Variants in DRD3 observed in about 807,000 individuals in gnomAD.
The protein encoded by DRD3 is D(3) dopamine receptor.
A neutral mutation model predicts 36.3 loss-of-function variants in DRD3; 19 were observed. The ratio of observed to expected loss-of-function variants is 0.52; its 90% CI spans 0.36 to 0.77. The LOEUF (loss-of-function observed/expected upper bound fraction) is 0.77, where lower values mean the gene tolerates loss of function less well. Ranked by LOEUF, DRD3 falls within the 30% of genes least tolerant of loss-of-function variation. The pLI is 0.00. For synonymous variants in DRD3, 195 were observed against 203.7 expected (o/e 0.96, Z 0.36); for missense variants, 465 against 505.3 (o/e 0.92, Z 0.77).
Position 114,139,539 on chromosome 3 carries a change from G to C in DRD3, c.684C>G (p.Asn228Lys). The change falls in exon 5 of 7, where the codon AAC becomes AAG. Residue 228 changes from asparagine (N) to lysine (K), a missense_variant. Physicochemically the swap from Asn to Lys is moderately conservative, Grantham distance 94. Transcript: ENST00000383673. ...CAGGCCTGACACTGTTGCACTGACTGTTCTGTCGAGTGAGGATCCTTTTCC... is the reference window on the plus strand; with the variant it reads ...CAGGCCTGACACTGTTGCACTGACTCTTCTGTCGAGTGAGGATCCTTTTCC... ...RRRKRILTRQ[N>K]SQCNSVRPGF... is the part of the protein sequence containing the mutation. The C allele has an allele frequency of 6.2e-7, 1 of 1,614,052 alleles. No individual in the cohort carries two copies. Among genetic ancestry groups the C allele is most frequent in the South Asian group, 1.1e-5 (1 of 91,060 alleles).
In DRD3 at chr3:114,159,818, AC is replaced by A; in HGVS notation, c.319del (p.Val107SerfsTer6). 1 of 1,614,158 alleles carries A rather than the reference AC, an allele frequency of 6.2e-7. No individual in the cohort carries two copies. ...NFSRICCDVF[V>X]TLDVMMCTAS... ...TGTACACATCATGACATCCAGGGTGACAAAAACATCACAGCAAATGCGGCTG... is the reference window on the plus strand; with the variant it reads ...TGTACACATCATGACATCCAGGGTGAAAAAACATCACAGCAAATGCGGCTG... On this transcript the variant is annotated frameshift_variant, in exon 3 of 7. Transcript: ENST00000383673. LOFTEE classifies it high-confidence loss of function.
At chr3:114,151,794 C>T (rs945503698) in intron 3 of DRD3, among the ~76,000 whole-genome samples, 1 of 152,228 alleles carries the variant, frequency 6.6e-6, no homozygotes, top group African/African-American at 2.4e-5. Context: ...AGGTGTGTTT[C>T]TCCTGAGTGC....
At chr3:114,183,466 T>G (rs2077958885), upstream of DRD3, among the ~76,000 whole-genome samples, 1 of 152,134 alleles carries the variant, frequency 6.6e-6, no homozygotes, top group Admixed American at 6.6e-5. Context: ...GTTTATATCC[T>G]CTATTTTCTT....
At chr3:114,172,106 T>C (rs529967477) in intron 1 of DRD3, 79 bp from the exon 2 acceptor site, 22 of 1,129,478 alleles carry the variant, frequency 1.9e-5, no homozygotes, top group Non-Finnish European at 2.5e-5. Context: ...TTTTATTTAT[T>C]GCATCAGCAA....
At chr3:114,185,039 T>G (rs1234232746) in intron 1 of DRD3, among the ~76,000 whole-genome samples, 1 of 147,858 alleles carries the variant, frequency 6.8e-6, no homozygotes, top group East Asian at 2.1e-4. Context: ...GTTCTTTTTT[T>G]GCGCTTTCAT....
At chr3:114,132,792 T>TAAC (rs1253074106) in intron 5 of DRD3, among the ~76,000 whole-genome samples, 2 of 152,152 alleles carry the variant, frequency 1.3e-5, no homozygotes, top group Non-Finnish European at 2.9e-5. Context: ...AAATAAATTT[T>TAAC]AACAACAACA....
At chr3:114,166,549 G>A (rs1009342270) in intron 2 of DRD3, among the ~76,000 whole-genome samples, 1 of 152,162 alleles carries the variant, frequency 6.6e-6, no homozygotes, top group Non-Finnish European at 1.5e-5. Context: ...ATGACAGCAT[G>A]AAGGCCCTTC....
At chr3:114,183,493 G>T (rs373597451), upstream of DRD3, among the ~76,000 whole-genome samples, 25 of 152,106 alleles carry the variant, frequency 1.6e-4, 1 homozygote, top group East Asian at 4.6e-3. Flanking sequence ...TTTCTGTCTG[G>T]TGGTTCTATC....
rs756050429 is a variant in DRD3, at chr3:114,191,251, T to C, written c.-156+8022A>G. ...GTGAACATTATGCAGAGAGGTAGAA[T>C]TGGGTGACAGTGAATGGCTGACTAT... On this transcript the variant is annotated intron_variant, in intron 1 of 7. Transcript: ENST00000460779. Among the ~76,000 whole-genome samples, 111 of 152,110 alleles carry C rather than the reference T, an allele frequency of 7.3e-4. 4 individuals are homozygous for C. The highest frequency in any genetic ancestry group is 1.9e-4 in the Non-Finnish European group (13 of 68,028).
At chr3:114,172,315 G>T (rs2077854146) in intron 1 of DRD3, among the ~76,000 whole-genome samples, 1 of 152,194 alleles carries the variant, frequency 6.6e-6, no homozygotes, top group African/African-American at 2.4e-5. Flanking sequence ...AGAGAGGCAG[G>T]TAAGTAACGG....
chr3:114,147,453 GC>G lies in DRD3; in HGVS notation c.487del (p.Ala163LeufsTer41). 2 of 1,613,932 alleles carry G rather than the reference GC, an allele frequency of 1.2e-6. No individual in the cohort carries two copies. ...GCCAAACAGAAGAGGGCAGGACACA[GC>G]AAAGGCCAGTACCCAGACGGCCGTG... The part of the protein sequence containing the change: ...MITAVWVLAF[A>X]VSCPLLFGFN... On this transcript the variant is annotated frameshift_variant, in exon 4 of 7. Coordinates refer to ENST00000383673, the MANE Select transcript of DRD3 (RefSeq NM_000796.6). LOFTEE classifies it high-confidence loss of function.
intron 2 of DRD3, among the ~76,000 whole-genome samples, chr3:114,169,291 G>A (rs1191408137): frequency 6.7e-6 from 1 of 150,242 alleles, no homozygotes; most frequent in Non-Finnish European, 1.5e-5. Context: ...GGAGAGACTT[G>A]GTCCTCTGTA....
chr3:114,169,909 C>T (rs539414510), intron 2 of DRD3, among the ~76,000 whole-genome samples: 1 of 152,254 alleles, frequency 6.6e-6, no homozygotes, highest in Non-Finnish European at 1.5e-5. Context: ...GGCTTTGTTA[C>T]AGACACCAAA....
chr3:114,137,131 G>A (rs1435002849), intron 5 of DRD3, among the ~76,000 whole-genome samples: 1 of 152,190 alleles, frequency 6.6e-6, no homozygotes, highest in Non-Finnish European at 1.5e-5. Context: ...TATATGTGTG[G>A]GAATCAGGGT....
intron 1 of DRD3, among the ~76,000 whole-genome samples, chr3:114,184,247 C>T (rs903453162): frequency 8.5e-5 from 13 of 152,156 alleles, no homozygotes; most frequent in South Asian, 2.1e-4. Flanking sequence ...TGGTCCTCTA[C>T]TATTCTTTCT....
At chr3:114,199,227 C>T (rs1330275537) in intron 1 of DRD3, 1 of 151,818 alleles carries the variant, frequency 6.6e-6, no homozygotes, top group Non-Finnish European at 1.5e-5. Context: ...TGACAGAATA[C>T]CTGAGACTGG....
At chr3:114,141,272 G>A (rs2077521308) in intron 4 of DRD3, among the ~76,000 whole-genome samples, 1 of 152,158 alleles carries the variant, frequency 6.6e-6, no homozygotes, top group Non-Finnish European at 1.5e-5. Flanking sequence ...CACCTCAGGT[G>A]ATCCACCCTC....
chr3:114,197,176 A>G (rs886373949), intron 1 of DRD3, among the ~76,000 whole-genome samples: 1 of 148,702 alleles, frequency 6.7e-6, no homozygotes, highest in Non-Finnish European at 1.5e-5. Context: ...CAGTGGCATG[A>G]TCGTAACTCA....
intron 1 of DRD3, among the ~76,000 whole-genome samples, chr3:114,176,855 A>G (rs1430572554): frequency 2.6e-5 from 4 of 152,192 alleles, no homozygotes; most frequent in African/African-American, 7.2e-5. Flanking sequence ...GCTAAAATTT[A>G]TAAGCATTAT....
Sources: allele counts gnomAD v4.1 joint callset (sites outside exome capture counted in the v4.1 genomes callset), GRCh38; gene constraint gnomAD v4.1.1; transcripts MANE v1.5; gene names NCBI Gene and HGNC (gene_info 2026-07-23, HGNC 2026-07-21).